Variants in GRB10 observed in about 807,000 individuals in gnomAD.
GRB10 encodes growth factor receptor-bound protein 10.
A neutral mutation model predicts 80.9 loss-of-function variants in GRB10; 20 were observed. The observed-to-expected ratio is 0.25, with a 90% confidence interval of 0.17 to 0.36. The LOEUF (loss-of-function observed/expected upper bound fraction) is 0.36, where lower values mean the gene tolerates loss of function less well. Among genes scored for constraint, GRB10 ranks in the 10% least tolerant of loss-of-function variants. The probability of loss-of-function intolerance (pLI) is 1.00; values close to 1 mark genes in which losing one functional copy is unlikely to be tolerated. For synonymous variants in GRB10, 291 were observed against 291.5 expected, an observed-to-expected ratio of 1.00 and a Z score of 0.02; for missense variants, 548 against 747.7, an observed-to-expected ratio of 0.73 and a Z score of 3.12.
intron 11 of GRB10, among the ~76,000 whole-genome samples, chr7:50,615,709 G>A (rs753004838): frequency 6.6e-6 from 1 of 152,240 alleles, no homozygotes; most frequent in Admixed American, 6.5e-5. Flanking sequence ...GAGTGTACAT[G>A]GGAGCAAAGG....
chr7:50,672,580 C>T (rs920108765), intron 6 of GRB10, among the ~76,000 whole-genome samples: 8 of 152,112 alleles, frequency 5.3e-5, no homozygotes, highest in Admixed American at 1.3e-4. Flanking sequence ...AGGGAGAGGG[C>T]TTTGCTGTCC....
intron 7 of GRB10, among the ~76,000 whole-genome samples, chr7:50,660,804 G>A (rs2153628874): frequency 1.3e-5 from 2 of 151,106 alleles, no homozygotes; most frequent in South Asian, 4.2e-4. Context: ...AGCCACAAGG[G>A]ACCATCCTGT....
At chr7:50,694,014 T>C (rs571629196) in intron 5 of GRB10, among the ~76,000 whole-genome samples, 1 of 152,070 alleles carries the variant, frequency 6.6e-6, no homozygotes, top group Non-Finnish European at 1.5e-5. Flanking sequence ...TTATGGAGAA[T>C]AGAGGGAAGT....
intron 2 of GRB10, among the ~76,000 whole-genome samples, chr7:50,763,118 C>CAA (rs200821473): frequency 8.8e-5 from 9 of 102,512 alleles, no homozygotes; most frequent in East Asian, 2.5e-4. Context: ...ACTCCGTCTC[C>CAA]AAAAAAAAAA....
intron 5 of GRB10, among the ~76,000 whole-genome samples, chr7:50,700,476 G>A (rs74445394): frequency 0.013 from 1,950 of 152,246 alleles, 46 homozygotes; most frequent in African/African-American, 0.044. Flanking sequence ...AAAGACTGGT[G>A]TTTGATTTTG....
intron 3 of GRB10, among the ~76,000 whole-genome samples, chr7:50,745,593 C>T (rs1424661006): frequency 6.6e-6 from 1 of 152,214 alleles, no homozygotes; most frequent in Non-Finnish European, 1.5e-5. Context: ...CCACTCAGAT[C>T]TGTCTTTGCC....
chr7:50,789,430 C>T (rs2078823428), intron 1 of GRB10, among the ~76,000 whole-genome samples: 1 of 152,234 alleles, frequency 6.6e-6, no homozygotes, highest in Non-Finnish European at 1.5e-5. Context: ...ATAAACACGC[C>T]TATGGCTTCC....
intron 17 of GRB10, among the ~76,000 whole-genome samples, chr7:50,596,166 T>C (rs1179329588): frequency 6.6e-6 from 1 of 152,142 alleles, no homozygotes; most frequent in Non-Finnish European, 1.5e-5. Flanking sequence ...GAAAGGTGGA[T>C]GAGAAAAAAG....
At chr7:50,711,425 G>A (rs1432945596) in intron 4 of GRB10, among the ~76,000 whole-genome samples, 1 of 152,192 alleles carries the variant, frequency 6.6e-6, no homozygotes, top group Non-Finnish European at 1.5e-5. Context: ...AGCTGAGACG[G>A]GTGGGGCACA....
intron 3 of GRB10, among the ~76,000 whole-genome samples, chr7:50,751,563 G>T (rs2074113258): frequency 6.6e-6 from 1 of 152,234 alleles, no homozygotes; most frequent in African/African-American, 2.4e-5. Flanking sequence ...CCAGTGAAAG[G>T]GTGGGAAGGA....
At chr7:50,682,890 T>G (rs1417340275) in intron 5 of GRB10, among the ~76,000 whole-genome samples, 1 of 152,226 alleles carries the variant, frequency 6.6e-6, no homozygotes, top group Non-Finnish European at 1.5e-5. Flanking sequence ...CTTATTCATA[T>G]TCAATAATTA....
intron 4 of GRB10, among the ~76,000 whole-genome samples, chr7:50,719,345 G>GC (rs1313023451): frequency 6.6e-6 from 1 of 152,166 alleles, no homozygotes; most frequent in African/African-American, 2.4e-5. Context: ...GAGACAGAAG[G>GC]CCCTGCAAAG....
At position 50,653,790 on chromosome 7, in the gene GRB10, G is replaced by A. The variant is rs371983275; in HGVS notation, c.504+15932C>T. On this transcript the variant is annotated intron_variant, in intron 7 of 18. Transcript: ENST00000401949. The stretch of plus-strand genomic sequence containing the variant: ...AGCCACCCCTGCCATCCCCCAGGTG[G>A]CTACATGAAGAAGCTACCCAAGTAA... Among the ~76,000 whole-genome samples the A allele has an allele frequency of 4.8e-4, 73 of 152,326 alleles. No individual in the cohort carries two copies. In the South Asian group the frequency reaches 0.015, roughly 30 times the overall value.
intron 5 of GRB10, among the ~76,000 whole-genome samples, chr7:50,681,882 T>G (rs1392813942): frequency 6.6e-6 from 1 of 152,256 alleles, no homozygotes; most frequent in African/African-American, 2.4e-5. Context: ...GGAGTTTAAT[T>G]TCACCAGCCA....
intron 2 of GRB10, among the ~76,000 whole-genome samples, chr7:50,757,090 A>G (rs1037480521): frequency 2.0e-5 from 3 of 152,198 alleles, no homozygotes; most frequent in Non-Finnish European, 4.4e-5. Context: ...GGGCCCAGAT[A>G]TAAGAAGACC....
intron 7 of GRB10, among the ~76,000 whole-genome samples, chr7:50,636,267 C>T (rs1181056609): frequency 3.9e-5 from 6 of 152,130 alleles, no homozygotes; most frequent in Non-Finnish European, 1.5e-5. Context: ...GTGTGAGCCA[C>T]CATACCTGGC....
intron 2 of GRB10, among the ~76,000 whole-genome samples, chr7:50,777,775 T>C (rs1249108798): frequency 6.6e-6 from 1 of 152,146 alleles, no homozygotes; most frequent in Non-Finnish European, 1.5e-5. Context: ...GGGACATGGA[T>C]GAAGCTGGAA....
At position 50,606,353 on chromosome 7, in the gene GRB10, G is replaced by A. The variant is rs763393579; in HGVS notation, c.1256C>T (p.Pro419Leu). 29 of 1,613,770 alleles carry A rather than the reference G, an allele frequency of 1.8e-5. No individual in the cohort carries two copies. The highest frequency in any genetic ancestry group is 2.1e-5 in the Non-Finnish European group (25 of 1,179,740). Residue 419 changes from proline to leucine, a missense_variant, in exon 14 of 19, where the codon CCG (proline) becomes CTG (leucine). This residue lies in a region of GRB10 where 270 missense variants were observed against 433.6 expected (regional missense o/e 0.62). Transcript: ENST00000401949. ...IPQQRKALLS[P>L]FSTPVRSVSE... ...TTTACTTACCACTGGCGTCGAGAACGGGGACAGCAAGGCCTTCCTCTGCTG... is the reference window on the plus strand; with the variant it reads ...TTTACTTACCACTGGCGTCGAGAACAGGGACAGCAAGGCCTTCCTCTGCTG...
intron 2 of GRB10, among the ~76,000 whole-genome samples, chr7:50,756,950 G>A (rs1017833610): frequency 6.6e-6 from 1 of 152,210 alleles, no homozygotes; most frequent in African/African-American, 2.4e-5. Context: ...GGCTGGAGGA[G>A]GTCCCCTGCC....
Sources: gnomAD v4.1 joint callset for allele counts (sites outside exome capture counted in the v4.1 genomes callset) on GRCh38, gnomAD v4.1.1 for gene constraint, gnomAD v4.1.1 regional missense constraint, MANE v1.5 for transcripts, NCBI Gene and HGNC (gene_info 2026-07-23, HGNC 2026-07-21) for gene names.